DPP6: variants seen among roughly 807,000 people sequenced by gnomAD.
The protein encoded by DPP6 is A-type potassium channel modulatory protein DPP6.
A neutral mutation model predicts 122.6 loss-of-function variants in DPP6; 69 were observed. That is an observed-to-expected ratio of 0.56 (90% CI 0.46 to 0.69). DPP6 has a LOEUF of 0.69. Among genes scored for constraint, DPP6 ranks in the 30% least tolerant of loss-of-function variants. DPP6 has a pLI of 0.00. For missense variants in DPP6, 928 were observed against 1,116.9 expected, an observed-to-expected ratio of 0.83 and a Z score of 2.41; for synonymous variants, 418 against 433.1, an observed-to-expected ratio of 0.97 and a Z score of 0.43.
chr7:153,800,755 G>A, the DPP6 span, among the ~76,000 whole-genome samples: 1 of 152,006 alleles, frequency 6.6e-6, no homozygotes, highest in South Asian at 2.1e-4. Flanking sequence ...GACCTCAAGT[G>A]ATCTACCCTC....
At chr7:153,831,678 A>G in the DPP6 span, among the ~76,000 whole-genome samples, 10 of 152,238 alleles carry the variant, frequency 6.6e-5, no homozygotes, top group Non-Finnish European at 1.2e-4. Flanking sequence ...TTTGTGTCAC[A>G]AAATAATGTT....
rs67891913 is a variant in DPP6 at position 154,489,591 on chromosome 7, CA to C, written c.457+14555del. 7.2e-3 allele frequency among the ~76,000 whole-genome samples: 1,104 copies of C among 152,286 alleles called. 14 individuals carry two copies. The highest frequency in any genetic ancestry group is 0.025 in the African/African-American group (1,036 of 41,554). On this transcript the variant is annotated intron_variant, in intron 3 of 25. Coordinates refer to ENST00000377770, the MANE Select transcript of DPP6 (RefSeq NM_130797.4). ...ATTTCCAAAATAAGTGCCAACCTCA[CA>C]TCTGATGCTTCTGCCGAGTGCTCCC...
At chr7:154,224,613 G>A (rs897009973) in intron 1 of DPP6, among the ~76,000 whole-genome samples, 2 of 149,174 alleles carry the variant, frequency 1.3e-5, no homozygotes, top group African/African-American at 2.6e-5. Flanking sequence ...CATATGTGGT[G>A]AACATTTCCA....
the DPP6 span, among the ~76,000 whole-genome samples, chr7:153,859,380 T>C: frequency 6.6e-6 from 1 of 152,146 alleles, no homozygotes; most frequent in Non-Finnish European, 1.5e-5. Context: ...AAGAGGACAA[T>C]GTAAGGCTAG....
Position 154,029,512 on chromosome 7 carries a change from A to G in DPP6, c.51+141778A>G, listed in dbSNP as rs548117836. Among the ~76,000 whole-genome samples the G allele has an allele frequency of 1.6e-3, 244 of 151,034 alleles. 1 individual carries two copies. Among genetic ancestry groups the G allele is most frequent in the Non-Finnish European group, 2.8e-3 (188 of 67,796 alleles). ...AGCCTGGGTGACTGAGCGAGACTCC[A>G]TCTCAAACAAAAAAAGAAAGAAATT... On this transcript the variant is annotated intron_variant, in intron 1 of 25. Transcript: ENST00000404039.
intron 5 of DPP6, among the ~76,000 whole-genome samples, chr7:154,571,722 A>G (rs1831119734): frequency 1.3e-5 from 2 of 152,316 alleles, no homozygotes; most frequent in Admixed American, 1.3e-4. Context: ...TAAAATCCCA[A>G]TCACACAGTC....
At chr7:154,520,016 T>C (rs1470934682) in intron 3 of DPP6, among the ~76,000 whole-genome samples, 1 of 152,150 alleles carries the variant, frequency 6.6e-6, no homozygotes, top group Non-Finnish European at 1.5e-5. Context: ...TTACTGAAAA[T>C]GAAAGACTGC....
At chr7:154,749,105 G>A (rs1248513925) in intron 8 of DPP6, among the ~76,000 whole-genome samples, 1 of 150,366 alleles carries the variant, frequency 6.7e-6, no homozygotes, top group Non-Finnish European at 1.5e-5. Context: ...CTGAGAGAGG[G>A]TGAGAGAGCA....
At chr7:154,447,782 A>G (rs1414473555) in intron 2 of DPP6, among the ~76,000 whole-genome samples, 1 of 152,268 alleles carries the variant, frequency 6.6e-6, no homozygotes, top group Non-Finnish European at 1.5e-5. Context: ...AAATCAATCA[A>G]TGTATTATAC....
chr7:153,793,897 C>T, the DPP6 span, among the ~76,000 whole-genome samples: 1 of 152,284 alleles, frequency 6.6e-6, no homozygotes, highest in African/African-American at 2.4e-5. Context: ...AGGTGTAAGC[C>T]CCAAGCCTTG....
At chr7:153,882,414 C>T (rs866637665), upstream of DPP6, among the ~76,000 whole-genome samples, 1 of 152,138 alleles carries the variant, frequency 6.6e-6, no homozygotes, top group African/African-American at 2.4e-5. Context: ...GTTGGGGTTC[C>T]TCTAGGTAAA....
chr7:154,638,543 A>G (rs1389710674), intron 6 of DPP6, among the ~76,000 whole-genome samples: 1 of 152,100 alleles, frequency 6.6e-6, no homozygotes, highest in African/African-American at 2.4e-5. Flanking sequence ...ATGACCTCAC[A>G]TTGCACTGCT....
chr7:153,919,903 A>G (rs1349745463), intron 1 of DPP6, among the ~76,000 whole-genome samples: 2 of 152,204 alleles, frequency 1.3e-5, no homozygotes, highest in Admixed American at 6.5e-5. Context: ...ATTATTATAA[A>G]GTTGGCCAGA....
intron 1 of DPP6, among the ~76,000 whole-genome samples, chr7:153,903,749 G>C (rs766971954): frequency 6.6e-6 from 1 of 152,272 alleles, no homozygotes; most frequent in East Asian, 1.9e-4. Context: ...TGCTGGAAGT[G>C]CTGGAAAGCA....
chr7:154,730,835 T>C lies in DPP6; in HGVS notation c.883+2948T>C, dbSNP rs1842304180. On this transcript the variant is annotated intron_variant, in intron 8 of 25. Transcript: ENST00000377770. ...CATAACCAGGAGATTTAAAATATCT[T>C]TTTTAGTATCTTCTTAATAAAATAA... is the stretch of plus-strand genomic sequence containing the variant. Among the ~76,000 whole-genome samples the C allele has an allele frequency of 1.3e-5, 2 of 152,236 alleles. 1 individual carries two copies. The highest frequency in any genetic ancestry group is 4.8e-5 in the African/African-American group (2 of 41,470).
chr7:153,841,496 A>C, the DPP6 span, among the ~76,000 whole-genome samples: 1 of 152,202 alleles, frequency 6.6e-6, no homozygotes, highest in African/African-American at 2.4e-5. Context: ...GGCTTGAATT[A>C]AATTCTCTAA....
chr7:154,137,023 C>G (rs1418549478), intron 1 of DPP6, among the ~76,000 whole-genome samples: 2 of 152,222 alleles, frequency 1.3e-5, no homozygotes, highest in South Asian at 4.1e-4. Context: ...GCTCAACACA[C>G]TGCCATGACC....
chr7:154,080,875 C>T (rs188390498), intron 1 of DPP6, among the ~76,000 whole-genome samples: 73 of 152,220 alleles, frequency 4.8e-4, no homozygotes, highest in African/African-American at 1.7e-3. Flanking sequence ...GCCATCCCCT[C>T]ATGAGGGCTC....
At position 154,600,625 on chromosome 7, in the gene DPP6, T is replaced by C. The variant is rs956789279; in HGVS notation, c.627+33709T>C. Among the ~76,000 whole-genome samples, 6 of 121,756 alleles carry C rather than the reference T, an allele frequency of 4.9e-5. 1 individual carries two copies. The highest frequency in any genetic ancestry group is 1.6e-4 in the African/African-American group (6 of 38,278). The allele number at this position is 121,756 out of a possible 152,430, so 79.9% of individuals were successfully genotyped here. On this transcript the variant is annotated intron_variant, in intron 5 of 25. Coordinates refer to ENST00000377770, the MANE Select transcript of DPP6 (RefSeq NM_130797.4). Reference sequence around the variant, plus strand: ...GATGAAACCAAGGCTAAAGGAAATATGATGAAATGTCCAGGGTCACTCGGC... The same window carrying C: ...GATGAAACCAAGGCTAAAGGAAATACGATGAAATGTCCAGGGTCACTCGGC...
Sources: allele counts gnomAD v4.1 joint callset (sites outside exome capture counted in the v4.1 genomes callset), GRCh38; gene constraint gnomAD v4.1.1; transcripts MANE v1.5; gene names NCBI Gene and HGNC (gene_info 2026-07-23, HGNC 2026-07-21).